HSDL2: variants seen among roughly 807,000 people sequenced by gnomAD.
HSDL2 encodes hydroxysteroid dehydrogenase like 2, also known as hydroxysteroid dehydrogenase-like protein 2.
HSDL2 carries 27 observed loss-of-function variants against 46.3 expected under a neutral mutation model. The ratio of observed to expected loss-of-function variants is 0.58; its 90% CI spans 0.43 to 0.80. HSDL2 has a LOEUF of 0.80. Among genes scored for constraint, HSDL2 ranks in the 30% least tolerant of loss-of-function variants. The pLI, the probability that HSDL2 is intolerant of heterozygous loss-of-function variation, is 0.00. For missense variants in HSDL2, 451 were observed against 502.7 expected (o/e 0.90, Z 0.98); for synonymous variants, 153 against 163.6 (o/e 0.94, Z 0.50).
At chr9:112,439,776 G>A (rs1309680987) in intron 7 of HSDL2, among the ~76,000 whole-genome samples, 1 of 152,234 alleles carries the variant, frequency 6.6e-6, no homozygotes, top group Non-Finnish European at 1.5e-5. Context: ...AATGCTTAGT[G>A]ATTAAGAACA....
At chr9:112,432,569 G>C (rs1348633367) in intron 6 of HSDL2, among the ~76,000 whole-genome samples, 33 of 152,202 alleles carry the variant, frequency 2.2e-4, no homozygotes, top group Non-Finnish European at 5.9e-5. Context: ...AGGGAATATA[G>C]AGGGCATTAT....
chr9:112,439,479 T>G (rs901188861), intron 7 of HSDL2, among the ~76,000 whole-genome samples: 8 of 152,186 alleles, frequency 5.3e-5, no homozygotes, highest in Non-Finnish European at 7.4e-5. Context: ...TAAGTAACTC[T>G]CCCTCTCTGA....
At chr9:112,401,301 A>T (rs1337528494) in intron 1 of HSDL2, among the ~76,000 whole-genome samples, 1 of 152,086 alleles carries the variant, frequency 6.6e-6, no homozygotes, top group Non-Finnish European at 1.5e-5. Flanking sequence ...TCTACAAAAA[A>T]TTAAAACTTT....
intron 8 of HSDL2, among the ~76,000 whole-genome samples, chr9:112,448,062 C>T (rs1377393051): frequency 1.3e-5 from 2 of 152,190 alleles, no homozygotes; most frequent in African/African-American, 2.4e-5. Context: ...CTTCAGCTCT[C>T]TGAAACAGTT....
At chr9:112,442,268 C>CAAAA (rs71382431) in intron 8 of HSDL2, among the ~76,000 whole-genome samples, 3 of 47,438 alleles carry the variant, frequency 6.3e-5, no homozygotes, top group African/African-American at 7.8e-5. Context: ...GACCCTGTCT[C>CAAAA]AAAAAAAAAA....
rs1202052718 is a variant in HSDL2 at position 112,405,656 on chromosome 9, A to G, written c.214A>G (p.Ile72Val). ...EAVGGKALPC[I>V]VDVRDEQQIS... ...AGTTGGAGGAAAGGCCTTGCCATGT[A>G]TTGTTGATGTGAGAGATGAACAGCA... The change falls in exon 3 of 11, where the codon ATT (isoleucine) becomes GTT (valine). Residue 72 changes from isoleucine to valine, a missense_variant. Coordinates refer to ENST00000398805, the MANE Select transcript of HSDL2 (RefSeq NM_032303.5). 6.2e-7 allele frequency: 1 copy of G among 1,613,512 alleles called. No homozygotes were observed. Among genetic ancestry groups the G allele is most frequent in the Non-Finnish European group, 8.5e-7 (1 of 1,179,636 alleles).
intron 1 of HSDL2, among the ~76,000 whole-genome samples, chr9:112,393,774 C>T (rs1422827633): frequency 6.6e-6 from 1 of 152,230 alleles, no homozygotes; most frequent in Non-Finnish European, 1.5e-5. Context: ...CAACATTACA[C>T]TTTTCCTGAA....
chr9:112,459,527 C>G lies in HSDL2; in HGVS notation c.1094C>G (p.Ala365Gly), dbSNP rs1283294314. Residue 365 changes from alanine to glycine, a missense_variant, in exon 10 of 11, where the codon GCA becomes GGA. Coordinates refer to ENST00000398805, the MANE Select transcript of HSDL2 (RefSeq NM_032303.5). Reference protein sequence around the residue: ...NVGYGEPSDQADVVMSMTTDD... With the variant: ...NVGYGEPSDQGDVVMSMTTDD... ...GGATATGGAGAGCCTTCTGATCAGG[C>G]AGATGTGGTGATGAGTATGACTACT... 3 of 1,613,702 alleles carry G rather than the reference C, an allele frequency of 1.9e-6. No homozygotes were observed. Among genetic ancestry groups the G allele is most frequent in the Non-Finnish European group, 2.5e-6 (3 of 1,179,640 alleles).
chr9:112,405,398 A>T (rs1474387156), intron 2 of HSDL2, among the ~76,000 whole-genome samples: 1 of 152,174 alleles, frequency 6.6e-6, no homozygotes, highest in Admixed American at 6.5e-5. Flanking sequence ...TTAGCTTTTT[A>T]AAAAAATTAC....
chr9:112,459,719 G>C, intron 10 of HSDL2, 142 bp downstream of exon 10: 3 of 653,490 alleles, frequency 4.6e-6, no homozygotes, highest in Middle Eastern at 4.4e-4. Flanking sequence ...TGTTCTTACT[G>C]TTGCCTCCAT....
At chr9:112,467,415 T>C (rs1267318451) in intron 10 of HSDL2, among the ~76,000 whole-genome samples, 1 of 152,170 alleles carries the variant, frequency 6.6e-6, no homozygotes, top group East Asian at 1.9e-4. Flanking sequence ...CAGGGGGAGC[T>C]GCTAATGCTG....
rs556048287 is a variant in HSDL2 at position 112,450,218 on chromosome 9, A to C, written c.866-3795A>C. 2.5e-3 allele frequency among the ~76,000 whole-genome samples: 380 copies of C among 151,426 alleles called. 4 individuals carry two copies. Among genetic ancestry groups the C allele is most frequent in the Middle Eastern group, 0.014 (4 of 294 alleles). ...ACAGAGGTGGGATGATCACTTGAGG[A>C]CATGAGTTCAAGACCGGCCTGGGCA... On this transcript the variant is annotated intron_variant, in intron 8 of 10. Transcript: ENST00000398805.
chr9:112,402,811 C>T lies in HSDL2; in HGVS notation c.18-1184C>T, dbSNP rs141037461. ...TGGCCCACGCCTGTAGTCCCAGCTA[C>T]TTGGGAGGCTGAAGCAGGAGAATTG... On this transcript the variant is annotated intron_variant, in intron 1 of 10. Coordinates refer to ENST00000398805, the MANE Select transcript of HSDL2 (RefSeq NM_032303.5). Among the ~76,000 whole-genome samples the T allele has an allele frequency of 2.6e-3, 398 of 152,208 alleles. 5 individuals carry two copies. Among genetic ancestry groups the T allele is most frequent in the Middle Eastern group, 0.014 (4 of 294 alleles).
At chr9:112,413,004 C>T (rs1831912721) in intron 4 of HSDL2, among the ~76,000 whole-genome samples, 1 of 151,774 alleles carries the variant, frequency 6.6e-6, no homozygotes, top group South Asian at 2.1e-4. Flanking sequence ...ATTGAAAGTT[C>T]CTACCTTTAT....
At chr9:112,388,726 C>T (rs374529785) in intron 1 of HSDL2, among the ~76,000 whole-genome samples, 186 of 151,866 alleles carry the variant, frequency 1.2e-3, no homozygotes, top group African/African-American at 4.2e-3. Context: ...TGCACTCTAA[C>T]CTGGGCGACT....
At chr9:112,435,138 G>C (rs1832495177) in intron 6 of HSDL2, among the ~76,000 whole-genome samples, 1 of 151,944 alleles carries the variant, frequency 6.6e-6, no homozygotes, top group South Asian at 2.1e-4. Context: ...CTTGAGTTTT[G>C]AGTGCCTAGT....
chr9:112,425,797 A>G (rs1245402806), intron 6 of HSDL2, among the ~76,000 whole-genome samples: 1 of 152,154 alleles, frequency 6.6e-6, no homozygotes, highest in Non-Finnish European at 1.5e-5. Context: ...GCATGATCAC[A>G]GCTCACTGCA....
Position 112,405,574 on chromosome 9 carries a change from A to T in HSDL2, c.182-50A>T, listed in dbSNP as rs548858116. On this transcript the variant is annotated intron_variant, in intron 2 of 10. Coordinates refer to ENST00000398805, the MANE Select transcript of HSDL2 (RefSeq NM_032303.5). ...TGACTGTGATATTGGAATTAAAGGT[A>T]TAATATTTAAATGCTTTAACGCTTT... The T allele has an allele frequency of 7.5e-5, 96 of 1,273,762 alleles. 2 individuals carry two copies. In the South Asian group the frequency reaches 1.2e-3, roughly 16 times the overall value. The allele number at this position is 1,273,762 out of a possible 1,614,324, so 78.9% of individuals were successfully genotyped here.
At chr9:112,389,189 G>A (rs1831284122) in intron 1 of HSDL2, among the ~76,000 whole-genome samples, 1 of 152,054 alleles carries the variant, frequency 6.6e-6, no homozygotes, top group African/African-American at 2.4e-5. Context: ...GCCACACATG[G>A]CTAATTTTTT....
Sources: gnomAD v4.1 joint callset for allele counts (sites outside exome capture counted in the v4.1 genomes callset) on GRCh38, gnomAD v4.1.1 for gene constraint, MANE v1.5 for transcripts, NCBI Gene and HGNC (gene_info 2026-07-23, HGNC 2026-07-21) for gene names.